Variants in CACNA2D3 observed in about 807,000 individuals in gnomAD.
CACNA2D3 encodes the protein voltage-dependent calcium channel subunit alpha-2/delta-3.
A neutral mutation model predicts 160.6 loss-of-function variants in CACNA2D3; 60 were observed. The ratio of observed to expected loss-of-function variants is 0.37; its 90% CI spans 0.30 to 0.46. CACNA2D3 has a LOEUF of 0.46. Among genes scored for constraint, CACNA2D3 ranks in the 20% least tolerant of loss-of-function variants. The pLI, the probability that CACNA2D3 is intolerant of heterozygous loss-of-function variation, is 1.00. For synonymous variants in CACNA2D3, 558 were observed against 492.9 expected, an observed-to-expected ratio of 1.13 and a Z score of -1.75; for missense variants, 1,205 against 1,365.0, an observed-to-expected ratio of 0.88 and a Z score of 1.85.
intron 11 of CACNA2D3, among the ~76,000 whole-genome samples, chr3:54,727,414 C>T (rs556441314): frequency 3.3e-5 from 5 of 152,156 alleles, no homozygotes; most frequent in African/African-American, 1.2e-4. Context: ...TGGGTATATA[C>T]CCAAAAGATT....
At chr3:54,616,550 G>C (rs920654048) in intron 9 of CACNA2D3, among the ~76,000 whole-genome samples, 3 of 152,196 alleles carry the variant, frequency 2.0e-5, no homozygotes, top group African/African-American at 7.2e-5. Context: ...TAATGTAAGA[G>C]GGCCCAACAC....
intron 4 of CACNA2D3, among the ~76,000 whole-genome samples, chr3:54,461,645 C>T (rs1241431477): frequency 1.3e-5 from 2 of 151,626 alleles, no homozygotes; most frequent in Non-Finnish European, 2.9e-5. Flanking sequence ...TTTTTTATTG[C>T]ATCTATTTGA....
rs11336791 is a variant in CACNA2D3, at chr3:54,423,893, A to AT, written c.381+37135dup. On this transcript the variant is annotated intron_variant, in intron 4 of 37. Transcript: ENST00000474759. The stretch of plus-strand genomic sequence containing the variant: ...CTTCTGTTGCCATCTTGAAATTCTT[A>AT]TTTTTTTTTTTTTTTTGAGACAGGG... 2.2e-3 allele frequency among the ~76,000 whole-genome samples: 302 copies of AT among 135,364 alleles called. 1 individual carries two copies. Among genetic ancestry groups the AT allele is most frequent in the Admixed American group, 4.6e-3 (63 of 13,662 alleles). 88.8% of individuals were successfully genotyped at this position (135,364 alleles called of 152,430 possible). A position where few individuals can be genotyped will look rare whatever the true frequency, so the allele number is the denominator to read the frequency against.
chr3:54,201,981 A>G (rs573644110), intron 2 of CACNA2D3, among the ~76,000 whole-genome samples: 5 of 152,330 alleles, frequency 3.3e-5, no homozygotes, highest in East Asian at 3.9e-4. Flanking sequence ...AAATTAAACT[A>G]TGGGGCACTC....
At chr3:54,666,621 C>A (rs186331320) in intron 11 of CACNA2D3, among the ~76,000 whole-genome samples, 68 of 152,354 alleles carry the variant, frequency 4.5e-4, no homozygotes, top group African/African-American at 1.6e-3. Flanking sequence ...ACTCATTAAT[C>A]TCCTCTGATG....
chr3:54,292,742 A>G (rs1703241573), intron 2 of CACNA2D3, among the ~76,000 whole-genome samples: 2 of 152,212 alleles, frequency 1.3e-5, no homozygotes, highest in African/African-American at 4.8e-5. Context: ...GTAAAATGGT[A>G]TAGCTGCTGT....
intron 10 of CACNA2D3, among the ~76,000 whole-genome samples, chr3:54,640,458 G>T (rs1017641961): frequency 4.6e-5 from 7 of 152,072 alleles, no homozygotes; most frequent in Non-Finnish European, 1.0e-4. Context: ...ATTAATTAAG[G>T]GAATTTTTCA....
At chr3:54,610,743 C>T (rs920609067) in intron 9 of CACNA2D3, among the ~76,000 whole-genome samples, 12 of 152,108 alleles carry the variant, frequency 7.9e-5, no homozygotes, top group Non-Finnish European at 1.8e-4. Context: ...GATTCTTCTG[C>T]CTCAGCCTCC....
At chr3:54,222,578 G>T (rs2107379587) in intron 2 of CACNA2D3, among the ~76,000 whole-genome samples, 1 of 152,340 alleles carries the variant, frequency 6.6e-6, no homozygotes, top group Non-Finnish European at 1.5e-5. Context: ...CCCCAGTCAA[G>T]TTGACAAATA....
At chr3:54,901,990 CTAAAAT>C (rs1700343886) in intron 27 of CACNA2D3, among the ~76,000 whole-genome samples, 1 of 152,170 alleles carries the variant, frequency 6.6e-6, no homozygotes. Context: ...GTTTACCACT[CTAAAAT>C]TAAAAAGGCC....
chr3:54,914,426 A>G (rs964548438), intron 27 of CACNA2D3, among the ~76,000 whole-genome samples: 1 of 152,202 alleles, frequency 6.6e-6, no homozygotes, highest in Admixed American at 6.5e-5. Context: ...GACCCTTCTC[A>G]GATCCCCAGT....
intron 4 of CACNA2D3, among the ~76,000 whole-genome samples, chr3:54,458,742 T>G (rs1363468330): frequency 6.6e-6 from 1 of 151,372 alleles, no homozygotes; most frequent in Admixed American, 6.6e-5. Flanking sequence ...TAAACTGTTA[T>G]TTCCTTAAAT....
At chr3:54,566,165 G>A (rs1282394838) in intron 6 of CACNA2D3, among the ~76,000 whole-genome samples, 1 of 152,214 alleles carries the variant, frequency 6.6e-6, no homozygotes, top group African/African-American at 2.4e-5. Context: ...TCAGCAAGGA[G>A]CTGGCATAAA....
At chr3:54,348,604 C>T (rs1019397641) in intron 3 of CACNA2D3, among the ~76,000 whole-genome samples, 10 of 152,168 alleles carry the variant, frequency 6.6e-5, no homozygotes, top group East Asian at 3.8e-4. Flanking sequence ...TTTCTTTGGC[C>T]GTAACTCAAG....
chr3:54,733,743 A>G (rs1180050145), intron 11 of CACNA2D3, among the ~76,000 whole-genome samples: 5 of 152,244 alleles, frequency 3.3e-5, no homozygotes, highest in African/African-American at 9.6e-5. Flanking sequence ...ATTTTTAATC[A>G]AAGATAAACT....
chr3:54,775,217 C>T (rs760317812), intron 13 of CACNA2D3, among the ~76,000 whole-genome samples: 12 of 152,006 alleles, frequency 7.9e-5, no homozygotes, highest in Non-Finnish European at 1.8e-4. Flanking sequence ...CTGGGAAGAC[C>T]GAGAAGTACC....
intron 5 of CACNA2D3, among the ~76,000 whole-genome samples, chr3:54,514,775 TG>T (rs1267122262): frequency 6.8e-6 from 1 of 146,674 alleles, no homozygotes; most frequent in Admixed American, 6.8e-5. Context: ...GGGGCTGGGG[TG>T]GGGTGGGAGG....
At chr3:54,649,523 C>T (rs770282596) in intron 11 of CACNA2D3, among the ~76,000 whole-genome samples, 1 of 152,190 alleles carries the variant, frequency 6.6e-6, no homozygotes, top group Non-Finnish European at 1.5e-5. Flanking sequence ...ATTTATTGCT[C>T]ACAGTCCTGG....
At chr3:54,822,138 A>G (rs1703617066) in intron 14 of CACNA2D3, among the ~76,000 whole-genome samples, 2 of 152,146 alleles carry the variant, frequency 1.3e-5, no homozygotes, top group Admixed American at 1.3e-4. Flanking sequence ...TCTCCTTATC[A>G]TTTACTATTT....
Sources: allele counts gnomAD v4.1 joint callset (sites outside exome capture counted in the v4.1 genomes callset), GRCh38; gene constraint gnomAD v4.1.1; transcripts MANE v1.5; gene names NCBI Gene and HGNC (gene_info 2026-07-23, HGNC 2026-07-21).